Variants in ALG9 observed in about 807,000 individuals in gnomAD.
ALG9 encodes the protein alpha-1,2-mannosyltransferase ALG9.
Under a neutral mutation model 81.8 loss-of-function variants are expected in ALG9, and 55 were observed. The ratio of observed to expected loss-of-function variants is 0.67; its 90% CI spans 0.54 to 0.84. The LOEUF (loss-of-function observed/expected upper bound fraction) is 0.84. ALG9 is among the 40% of genes least tolerant of loss of function. The pLI is 0.00. For missense variants in ALG9, 629 were observed against 745.0 expected (o/e 0.84, Z 1.81); for synonymous variants, 278 against 274.3 (o/e 1.01, Z -0.13).
At chr11:111,810,907 A>G (rs1184222685) in intron 13 of ALG9, among the ~76,000 whole-genome samples, 10 of 152,242 alleles carry the variant, frequency 6.6e-5, no homozygotes, top group African/African-American at 2.4e-4. Flanking sequence ...GGGATCCAGA[A>G]TAAGTCAAGG....
At chr11:111,786,598 ATAAAC>A (rs1329007265) in intron 14 of ALG9, 78 bp from the exon 15 acceptor site, 12 of 1,467,472 alleles carry the variant, frequency 8.2e-6, no homozygotes, top group African/African-American at 1.4e-5. Context: ...ATTAAAATAA[ATAAAC>A]TAATCTGTAG....
intron 13 of ALG9, among the ~76,000 whole-genome samples, chr11:111,822,483 G>A (rs1233247751): frequency 6.6e-6 from 1 of 151,404 alleles, no homozygotes; most frequent in Non-Finnish European, 1.5e-5. Flanking sequence ...AGGCCAAGGT[G>A]GGCAGACTGC....
At chr11:111,828,133 G>T (rs1021743956) in intron 13 of ALG9, among the ~76,000 whole-genome samples, 1 of 152,116 alleles carries the variant, frequency 6.6e-6, no homozygotes, top group African/African-American at 2.4e-5. Flanking sequence ...GATGGAGGTT[G>T]CAGTGAGCCA....
chr11:111,790,599 T>C (rs782100019), intron 14 of ALG9, among the ~76,000 whole-genome samples: 1 of 152,206 alleles, frequency 6.6e-6, no homozygotes, highest in Non-Finnish European at 1.5e-5. Context: ...ATGCAATATA[T>C]GTACCAGAAG....
intron 14 of ALG9, among the ~76,000 whole-genome samples, chr11:111,787,488 G>C (rs1423209003): frequency 6.6e-6 from 1 of 151,906 alleles, no homozygotes; most frequent in African/African-American, 2.4e-5. Context: ...ACGGAGTCTT[G>C]CTCTGTCACC....
intron 4 of ALG9, among the ~76,000 whole-genome samples, chr11:111,864,047 G>C (rs1961368379): frequency 6.6e-6 from 1 of 152,162 alleles, no homozygotes; most frequent in African/African-American, 2.4e-5. Flanking sequence ...AGGAGCTACA[G>C]GTGATGGGTG....
At chr11:111,797,663 T>A (rs1948503649) in intron 14 of ALG9, among the ~76,000 whole-genome samples, 1 of 152,360 alleles carries the variant, frequency 6.6e-6, no homozygotes, top group Non-Finnish European at 1.5e-5. Flanking sequence ...AGAGAAATAG[T>A]TCTGCTTATG....
intron 2 of ALG9, among the ~76,000 whole-genome samples, chr11:111,869,163 T>C (rs1451664321): frequency 1.3e-5 from 2 of 152,228 alleles, no homozygotes; most frequent in Non-Finnish European, 2.9e-5. Context: ...ATTAAGACAT[T>C]ATAAATTTTA....
intron 13 of ALG9, chr11:111,829,118 C>T (rs1235390527): frequency 2.0e-5 from 3 of 152,134 alleles, no homozygotes; most frequent in Non-Finnish European, 4.4e-5. Context: ...ACTGCAAAAT[C>T]TGAGATCATA....
At chr11:111,818,175 G>T (rs1381132464) in intron 13 of ALG9, among the ~76,000 whole-genome samples, 2 of 152,230 alleles carry the variant, frequency 1.3e-5, no homozygotes, top group African/African-American at 4.8e-5. Flanking sequence ...ATTGAGGAAA[G>T]ATGATAACTT....
At chr11:111,803,759 C>CA (rs1463441737) in intron 14 of ALG9, among the ~76,000 whole-genome samples, 3 of 151,546 alleles carry the variant, frequency 2.0e-5, no homozygotes, top group African/African-American at 4.8e-5. Context: ...CATCCTCATG[C>CA]AAAAAAAATT....
At chr11:111,774,069 TAA>T in the ALG9 span, among the ~76,000 whole-genome samples, 224 of 69,708 alleles carry the variant, frequency 3.2e-3, 4 homozygotes, top group African/African-American at 0.012. Flanking sequence ...CATATCTTAT[TAA>T]AAAAAAAAAA....
intron 13 of ALG9, among the ~76,000 whole-genome samples, chr11:111,821,712 T>A (rs1167866949): frequency 6.6e-6 from 1 of 151,832 alleles, no homozygotes; most frequent in African/African-American, 2.4e-5. Context: ...CTCGGCTCAC[T>A]GCAAGCTCCA....
At chr11:111,826,158 G>A (rs1953239450) in intron 13 of ALG9, among the ~76,000 whole-genome samples, 1 of 150,308 alleles carries the variant, frequency 6.7e-6, no homozygotes, top group African/African-American at 2.4e-5. Flanking sequence ...GGTCAAGGTG[G>A]GAGGATCACT....
chr11:111,871,354 G>C lies in ALG9; in HGVS notation c.129C>G (p.Thr43=), dbSNP rs1311317470. 1.3e-6 allele frequency: 2 copies of C among 1,524,218 alleles called. No homozygotes were observed. The highest frequency in any genetic ancestry group is 1.4e-5 in the African/African-American group (1 of 71,842). 94.4% of individuals were successfully genotyped at this position (1,524,218 alleles called of 1,614,324 possible). ...SREAGGAEHR[T]ELSGNKAGQV... is the part of the protein sequence containing the mutation. ...CCCCTGCCGCGCCGCACACGTACTC[G>C]GTCCGGTGCTCCGCGCCGCCCGCCT... is the stretch of plus-strand genomic sequence containing the variant. The change falls in exon 1 of 15, where the codon ACC becomes ACG. Residue 43 remains threonine, a splice_region_variant and synonymous_variant. Transcript: ENST00000616540.
downstream of ALG9, among the ~76,000 whole-genome samples, chr11:111,777,566 A>C (rs1555055673): frequency 1.3e-5 from 2 of 152,180 alleles, no homozygotes; most frequent in African/African-American, 4.8e-5. Context: ...ACAAAAACAA[A>C]ACAAGAAAAC....
chr11:111,804,176 G>A (rs1302684857), intron 14 of ALG9, among the ~76,000 whole-genome samples: 2 of 147,246 alleles, frequency 1.4e-5, no homozygotes, highest in Non-Finnish European at 3.0e-5. Context: ...AAAACTGAAA[G>A]TATAAAACTC....
chr11:111,803,503 G>A (rs1949452019), intron 14 of ALG9, among the ~76,000 whole-genome samples: 1 of 133,346 alleles, frequency 7.5e-6, no homozygotes. Flanking sequence ...TCCATCTCAG[G>A]AAAAAAAAAA....
chr11:111,809,225 C>T (rs1456066712), intron 14 of ALG9, among the ~76,000 whole-genome samples: 1 of 152,066 alleles, frequency 6.6e-6, no homozygotes, highest in Non-Finnish European at 1.5e-5. Flanking sequence ...GGAAACTGGG[C>T]CCAAATAAAA....
Sources: allele counts gnomAD v4.1 joint callset (sites outside exome capture counted in the v4.1 genomes callset), GRCh38; gene constraint gnomAD v4.1.1; transcripts MANE v1.5; gene names NCBI Gene and HGNC (gene_info 2026-07-23, HGNC 2026-07-21).